The following GIGYF1 variants were observed in gnomAD, a reference collection of about 807,000 sequenced individuals.
The protein encoded by GIGYF1 is GRB10 interacting GYF protein 1, also known as GRB10-interacting GYF protein 1.
GIGYF1 carries 84 observed loss-of-function variants against 147.1 expected under a neutral mutation model. That is an observed-to-expected ratio of 0.57 (90% CI 0.48 to 0.68). GIGYF1 has a LOEUF of 0.68. GIGYF1 is among the 30% of genes least tolerant of loss of function. The pLI, the probability that GIGYF1 is intolerant of heterozygous loss-of-function variation, is 0.00. For synonymous variants in GIGYF1, 752 were observed against 589.5 expected (o/e 1.28, Z -3.99); for missense variants, 1,485 against 1,393.7 (o/e 1.07, Z -1.04).
At position 100,681,056 on chromosome 7, in the gene GIGYF1, T is replaced by C. The variant is rs117231629; in HGVS notation, c.*663A>G. ...GCCACTCGTCCAATTTGTGCAACTGTCCCCCAAAGCAGCGAAGCCAAGGGG... is the reference window on the plus strand; with the variant it reads ...GCCACTCGTCCAATTTGTGCAACTGCCCCCCAAAGCAGCGAAGCCAAGGGG... On this transcript the variant is annotated 3_prime_UTR_variant, in exon 27 of 27. Transcript: ENST00000678049. The C allele has an allele frequency of 0.036, 5,533 of 152,836 alleles. 157 individuals are homozygous for C. Among genetic ancestry groups the C allele is most frequent in the Middle Eastern group, 0.1 (30 of 296 alleles). The allele number at this position is 152,836 out of a possible 1,614,324, so 9.5% of individuals were successfully genotyped here.
chr7:100,690,889 G>T (rs1805777223), intron 1 of GIGYF1, among the ~76,000 whole-genome samples: 1 of 152,014 alleles, frequency 6.6e-6, no homozygotes, highest in Non-Finnish European at 1.5e-5. Context: ...ACCCATCCTG[G>T]CTGTGTCTTG....
At position 100,687,816 on chromosome 7, in the gene GIGYF1, G is replaced by A; in HGVS notation, c.233C>T (p.Ala78Val). Residue 78 changes from alanine to valine, a missense_variant, in exon 6 of 27, where the codon GCT becomes GTT. By Grantham distance (64) the Ala-to-Val change is moderately conservative. Transcript: ENST00000678049. The stretch of plus-strand genomic sequence containing the variant: ...TTCCTCCTCAGTCAGCGGCTCCAGA[G>A]CCAGGGGCTGCAGTGGCTCGTCCTG... ...VLQDEPLQPL[A>V]LEPLTEEEQR... The A allele has an allele frequency of 1.9e-6, 3 of 1,613,026 alleles. No individual in the cohort carries two copies. Among genetic ancestry groups the A allele is most frequent in the Non-Finnish European group, 2.5e-6 (3 of 1,179,996 alleles).
intron 1 of GIGYF1, chr7:100,693,833 G>C (rs1365903214): frequency 6.6e-6 from 1 of 151,654 alleles, no homozygotes; most frequent in Non-Finnish European, 1.5e-5. Flanking sequence ...CGCCCCCTAA[G>C]CCGGGCGCCG....
rs1431967762 is a variant in GIGYF1 at position 100,682,329 on chromosome 7, G to A, written c.2754C>T (p.Ser918=). Residue 918 remains serine (S), a synonymous_variant, in exon 24 of 27, where the codon AGC becomes AGT. Coordinates refer to ENST00000678049, the MANE Select transcript of GIGYF1 (RefSeq NM_001375765.1). ...TGGGAGCCGCTCGCCCACCGTCCAG[G>A]CTGCCCGTGGCGCTCAGCGTGTGCA... is the stretch of plus-strand genomic sequence containing the variant. ...QMLHTLSATG[S]LDVPMAVAIL... The A allele has an allele frequency of 4.3e-6, 7 of 1,611,900 alleles. No homozygotes were observed. The highest frequency in any genetic ancestry group is 1.7e-5 in the Admixed American group (1 of 59,956).
chr7:100,682,013 G>C lies in GIGYF1; in HGVS notation c.2926-20C>G. On this transcript the variant is annotated intron_variant, in intron 25 of 26. Coordinates refer to ENST00000678049, the MANE Select transcript of GIGYF1 (RefSeq NM_001375765.1). ...TGCCTCCTAAGGCAGCGGAGAGGAG[G>C]GTGAAGGTCAGGAGGCACCAGGCAA... 6.2e-7 allele frequency: 1 copy of C among 1,609,842 alleles called. No homozygotes were observed. The highest frequency in any genetic ancestry group is 8.5e-7 in the Non-Finnish European group (1 of 1,179,882).
At chr7:100,692,115 G>A (rs929948540) in intron 1 of GIGYF1, among the ~76,000 whole-genome samples, 2 of 152,240 alleles carry the variant, frequency 1.3e-5, no homozygotes, top group African/African-American at 4.8e-5. Flanking sequence ...CCCAGCCCCA[G>A]GCCTGCTGGA....
intron 8 of GIGYF1, 122 bp from the exon 9 acceptor site, chr7:100,687,168 C>A (rs1584503590): frequency 1.3e-6 from 2 of 1,489,186 alleles, no homozygotes; most frequent in Non-Finnish European, 1.9e-6. Context: ...ACAAACGAAA[C>A]CAGGGGTCAG....
Position 100,686,175 on chromosome 7 carries a change from G to A in GIGYF1, c.948+5C>T. 4 of 1,606,124 alleles carry A rather than the reference G, an allele frequency of 2.5e-6. No homozygotes were observed. The highest frequency in any genetic ancestry group is 3.4e-6 in the Non-Finnish European group (4 of 1,175,112). On this transcript the variant is annotated splice_donor_5th_base_variant and intron_variant, in intron 11 of 26. Coordinates refer to ENST00000678049, the MANE Select transcript of GIGYF1 (RefSeq NM_001375765.1). ...AGGTTCCCACCCTCGCCTCCTCACA[G>A]ATACCTTGAGAGGCAAGAAGGCCCC... is the stretch of plus-strand genomic sequence containing the variant.
intron 1 of GIGYF1, among the ~76,000 whole-genome samples, chr7:100,692,408 C>A (rs221801): frequency 0.63 from 96,057 of 152,090 alleles, 30,624 homozygotes; most frequent in East Asian, 0.81. Flanking sequence ...GCTCCGACAG[C>A]GTGCCCCGAC....
Position 100,686,839 on chromosome 7 carries a change from G to C in GIGYF1, c.524-20C>G. 2.5e-6 allele frequency: 4 copies of C among 1,612,776 alleles called. No individual in the cohort carries two copies. Among genetic ancestry groups the C allele is most frequent in the South Asian group, 2.2e-5 (2 of 91,062 alleles). On this transcript the variant is annotated intron_variant, in intron 9 of 26. Coordinates refer to ENST00000678049, the MANE Select transcript of GIGYF1 (RefSeq NM_001375765.1). ...ATCGTGCTGGGAGACGGGAAGACAG[G>C]GGCAGTTATTAGAAAGGCAGCGTGG...
At position 100,683,899 on chromosome 7, in the gene GIGYF1, G is replaced by A. The variant is rs1217194323; in HGVS notation, c.1888C>T (p.Leu630Phe). 1 of 1,554,912 alleles carries A rather than the reference G, an allele frequency of 6.4e-7. No individual in the cohort carries two copies. Residue 630 changes from leucine to phenylalanine, a missense_variant, in exon 19 of 27, where the codon CTC becomes TTC. By Grantham distance (22) the Leu-to-Phe change is conservative. Transcript: ENST00000678049. ...GACAAGGACCGGCTCATCGTCGGGA[G>A]CAGGTTCTGGTCCCCGCCTCTGAGG... ...KPPRGGDQNL[L>F]PTMSRSLSVP...
intron 1 of GIGYF1, among the ~76,000 whole-genome samples, chr7:100,692,120 G>C (rs1171223021): frequency 6.6e-6 from 1 of 152,252 alleles, no homozygotes; most frequent in Non-Finnish European, 1.5e-5. Flanking sequence ...CCCCAGGCCT[G>C]CTGGAGGGGA....
Position 100,683,981 on chromosome 7 carries a change from C to G in GIGYF1, c.1868+39G>C, listed in dbSNP as rs771757209. On this transcript the variant is annotated intron_variant, in intron 18 of 26. Coordinates refer to ENST00000678049, the MANE Select transcript of GIGYF1 (RefSeq NM_001375765.1). ...CATCTCTGGTCTGCCCCCATCCCCC[C>G]CCCACCCTGTATCCTGAGGGCTCGC... 7.6e-6 allele frequency: 12 copies of G among 1,583,770 alleles called. No homozygotes were observed. In the Admixed American group the frequency reaches 1.3e-4, roughly 17 times the overall value.
At chr7:100,688,362 C>T in intron 3 of GIGYF1, 55 bp from the exon 4 acceptor site, 2 of 828,872 alleles carry the variant, frequency 2.4e-6, no homozygotes, top group Non-Finnish European at 3.9e-6. Context: ...CTTTAAAGCG[C>T]AGGGAGGACA....
chr7:100,682,177 A>G lies in GIGYF1; in HGVS notation c.2820T>C (p.Tyr940=). 1 of 1,613,882 alleles carries G rather than the reference A, an allele frequency of 6.2e-7. No homozygotes were observed. ...GCGTGTCCCCCAGGCAGGAACGGAT[A>G]TAATCGTGGACATCATAGGGGGATT... ...EVESPYDVHD[Y]IRSCLGDTLE... is the part of the protein sequence containing the mutation. The change falls in exon 25 of 27, where the codon TAT becomes TAC. Residue 940 remains tyrosine, a synonymous_variant. Transcript: ENST00000678049.
rs747790602 is a variant in GIGYF1, at chr7:100,681,747, C to G, written c.3080G>C (p.Gly1027Ala). The change falls in exon 27 of 27, where the codon GGT becomes GCT. Residue 1027 changes from glycine to alanine, a missense_variant. Gly to Ala is a moderately conservative substitution (Grantham distance 60). Coordinates refer to ENST00000678049, the MANE Select transcript of GIGYF1 (RefSeq NM_001375765.1). The part of the protein sequence containing the change: ...ILGYSLHGSS[G>A]EIESVDDY ...GTAGTCATCCACGCTCTCGATCTCACCAGAAGATCCGTGCAGGGAGTACCC... is the reference window on the plus strand; with the variant it reads ...GTAGTCATCCACGCTCTCGATCTCAGCAGAAGATCCGTGCAGGGAGTACCC... 2 of 1,582,654 alleles carry G rather than the reference C, an allele frequency of 1.3e-6. No individual in the cohort carries two copies. Among genetic ancestry groups the G allele is most frequent in the Admixed American group, 1.8e-5 (1 of 56,494 alleles).
rs1804948609 is a variant in GIGYF1, at chr7:100,683,094, A to C, written c.2330T>G (p.Leu777Trp). 6.3e-7 allele frequency: 1 copy of C among 1,589,182 alleles called. No individual in the cohort carries two copies. Among genetic ancestry groups the C allele is most frequent in the Non-Finnish European group, 8.5e-7 (1 of 1,173,160 alleles). The change falls in exon 22 of 27, where the codon TTG becomes TGG. Residue 777 changes from leucine (L) to tryptophan (W), a missense_variant. By Grantham distance (61) the Leu-to-Trp change is moderately conservative (BLOSUM62 -2). Coordinates refer to ENST00000678049, the MANE Select transcript of GIGYF1 (RefSeq NM_001375765.1). ...CAGCTGCCGCTCGCCCTCCAGCTGC[A>C]ACTCCAGGAGCGTCTTCATGGACAG... ...QGLSMKTLLELQLEGERQLHK... is the reference protein window; with the variant it reads ...QGLSMKTLLEWQLEGERQLHK...
At chr7:100,683,738 G>GT in intron 19 of GIGYF1, 80 bp downstream of exon 19, 3 of 1,543,546 alleles carry the variant, frequency 1.9e-6, no homozygotes, top group Non-Finnish European at 1.8e-6. Context: ...AGCTAGGGGC[G>GT]TGTGGGGGTG....
intron 14 of GIGYF1, 64 bp from the exon 15 acceptor site, chr7:100,684,958 G>A: frequency 6.3e-7 from 1 of 1,585,826 alleles, no homozygotes; most frequent in South Asian, 1.1e-5. Flanking sequence ...GATGGGGATG[G>A]GGATGGAGCT....
Sources: allele counts gnomAD v4.1 joint callset (sites outside exome capture counted in the v4.1 genomes callset), GRCh38; gene constraint gnomAD v4.1.1; transcripts MANE v1.5; gene names NCBI Gene and HGNC (gene_info 2026-07-23, HGNC 2026-07-21).